RASIP1: variants seen among roughly 807,000 people sequenced by gnomAD.
RASIP1 encodes Ras interacting protein 1.
In RASIP1, 20 loss-of-function variants were observed where a neutral mutation model predicts 85.3. The observed-to-expected ratio is 0.23, with a 90% CI of 0.17 to 0.34. RASIP1 has a LOEUF of 0.34. RASIP1 is among the 10% of genes least tolerant of loss of function. The pLI is 1.00. For missense variants in RASIP1, 1,170 were observed against 1,390.9 expected (o/e 0.84, Z 2.53); for synonymous variants, 617 against 647.1 (o/e 0.95, Z 0.71).
chr19:48,732,283 T>C (rs893399985), intron 4 of RASIP1, among the ~76,000 whole-genome samples: 12 of 149,674 alleles, frequency 8.0e-5, no homozygotes, highest in African/African-American at 2.7e-4. Flanking sequence ...TAAGACGGAG[T>C]CTCTCTCTGT....
intron 4 of RASIP1, among the ~76,000 whole-genome samples, chr19:48,733,777 G>C (rs1336770561): frequency 6.6e-6 from 1 of 150,438 alleles, no homozygotes; most frequent in Non-Finnish European, 1.5e-5. Context: ...ACTGCAGTCC[G>C]GCTGGGTGAC....
chr19:48,730,462 A>C (rs2033435774), intron 4 of RASIP1, among the ~76,000 whole-genome samples: 1 of 152,066 alleles, frequency 6.6e-6, no homozygotes, highest in Non-Finnish European at 1.5e-5. Flanking sequence ...ACACCCAGCC[A>C]GAGACCCATT....
At chr19:48,734,292 C>CAA (rs1221794361) in intron 4 of RASIP1, among the ~76,000 whole-genome samples, 1 of 144,368 alleles carries the variant, frequency 6.9e-6, no homozygotes. Context: ...GAGACTCCGA[C>CAA]AAAAAAAAAA....
chr19:48,721,522 GA>G (rs1231496322), intron 11 of RASIP1, among the ~76,000 whole-genome samples: 1 of 152,178 alleles, frequency 6.6e-6, no homozygotes, highest in Non-Finnish European at 1.5e-5. Context: ...GAGAAAAGAA[GA>G]AAGGTGAGGT....
In RASIP1 at chr19:48,726,840, A is replaced by T; in HGVS notation, c.2072T>A (p.Leu691His). The change falls in exon 8 of 12, where the codon CTC becomes CAC. Residue 691 changes from leucine to histidine, a missense_variant. By Grantham distance (99) the Leu-to-His change is moderately conservative. This residue lies in a region of RASIP1 where 426 missense variants were observed against 576.2 expected (regional missense o/e 0.74). Coordinates refer to ENST00000222145, the MANE Select transcript of RASIP1 (RefSeq NM_017805.3). The part of the protein sequence containing the change: ...DLELCDEAMA[L>H]LDEVIMCTFQ... ...GGTACACATGATGACCTCATCCAGG[A>T]GGGCCATGGCCTCATCACATAATTC... is the stretch of plus-strand genomic sequence containing the variant. The T allele has an allele frequency of 6.2e-7, 1 of 1,614,114 alleles. No individual in the cohort carries two copies. The highest frequency in any genetic ancestry group is 8.5e-7 in the Non-Finnish European group (1 of 1,179,978).
rs762069060 is a variant in RASIP1, at chr19:48,720,811, G to A, written c.2879C>T (p.Ala960Val). 3.1e-6 allele frequency: 5 copies of A among 1,613,946 alleles called. No individual in the cohort carries two copies. In the South Asian group the frequency reaches 4.4e-5, roughly 14 times the overall value. The stretch of plus-strand genomic sequence containing the variant: ...TGGTATTGGTTCTCAAGGAGACGTG[G>A]CCACGGGAGGCCCATGGCGATAATT... ...PANYRHGPPVATSP is the reference protein window; with the variant it reads ...PANYRHGPPVVTSP Residue 960 changes from alanine (A) to valine (V), a missense_variant, in exon 12 of 12, where the codon GCC becomes GTC. Physicochemically the swap from Ala to Val is moderately conservative, Grantham distance 64. Coordinates refer to ENST00000222145, the MANE Select transcript of RASIP1 (RefSeq NM_017805.3).
intron 10 of RASIP1, 149 bp from the exon 11 acceptor site, chr19:48,722,150 C>T (rs938305063): frequency 6.8e-6 from 5 of 738,740 alleles, no homozygotes; most frequent in Admixed American, 4.0e-5. Context: ...TGTTTATCAC[C>T]AAAGTGATGG....
At chr19:48,733,960 A>G (rs1432262059) in intron 4 of RASIP1, among the ~76,000 whole-genome samples, 1 of 152,044 alleles carries the variant, frequency 6.6e-6, no homozygotes, top group African/African-American at 2.4e-5. Context: ...CAAGAAATAG[A>G]TATTTCCAAG....
chr19:48,725,062 CT>C, intron 8 of RASIP1, 102 bp from the exon 9 acceptor site: 1 of 1,421,330 alleles, frequency 7.0e-7, no homozygotes, highest in East Asian at 2.3e-5. Flanking sequence ...CCAAAGTCTT[CT>C]GGGAGTTGTA....
chr19:48,727,511 G>A (rs2033362833), intron 5 of RASIP1, 81 bp from the exon 6 acceptor site: 3 of 1,435,058 alleles, frequency 2.1e-6, no homozygotes, highest in South Asian at 1.2e-5. Flanking sequence ...TTTTATAGAA[G>A]CACAACTCTC....
chr19:48,733,883 A>G (rs918788366), intron 4 of RASIP1, among the ~76,000 whole-genome samples: 7 of 151,998 alleles, frequency 4.6e-5, no homozygotes, highest in Non-Finnish European at 1.0e-4. Context: ...ACGTGATCCC[A>G]GGCAACAAAT....
chr19:48,721,855 T>C lies in RASIP1; in HGVS notation c.2691A>G (p.Thr897=). Reference sequence around the variant, plus strand: ...ATGCTGTATCCCATTGCTCCTCACCTGTGTCCACAGCCTCCCGCTCTGCAG... The same window carrying C: ...ATGCTGTATCCCATTGCTCCTCACCCGTGTCCACAGCCTCCCGCTCTGCAG... ...PPPAEREAVD[T]GDIFESFSSH... The change falls in exon 11 of 12, where the codon ACA becomes ACG. Residue 897 remains threonine, a splice_region_variant and synonymous_variant. Coordinates refer to ENST00000222145, the MANE Select transcript of RASIP1 (RefSeq NM_017805.3). 6.2e-7 allele frequency: 1 copy of C among 1,604,946 alleles called. No homozygotes were observed.
At chr19:48,726,160 C>T (rs553126854) in intron 8 of RASIP1, among the ~76,000 whole-genome samples, 2 of 152,304 alleles carry the variant, frequency 1.3e-5, no homozygotes, top group East Asian at 3.9e-4. Context: ...CTCCTGACCT[C>T]GCGGTCTGCC....
rs777961305 is a variant in RASIP1, at chr19:48,721,816, A to C, written c.2692+38T>G. The C allele has an allele frequency of 9.0e-6, 14 of 1,559,472 alleles. No homozygotes were observed. The Middle Eastern group carries it at 1.4e-3, about 153-fold the overall frequency. On this transcript the variant is annotated intron_variant, in intron 11 of 11. Coordinates refer to ENST00000222145, the MANE Select transcript of RASIP1 (RefSeq NM_017805.3). ...AGACTCCGTCTCAAAAGAAGAAGAA[A>C]GCTGACAGCCCCAATGCTGTATCCC...
chr19:48,734,239 G>A (rs1006672201), intron 4 of RASIP1, among the ~76,000 whole-genome samples: 1 of 151,906 alleles, frequency 6.6e-6, no homozygotes, highest in Admixed American at 6.5e-5. Flanking sequence ...AGCTTGCAGT[G>A]AGCCGAGATC....
At position 48,738,131 on chromosome 19, in the gene RASIP1, G is replaced by C. The variant is rs1480456599; in HGVS notation, c.823+829C>G. ...GGCTAATTTTTGTATTTTTAGAAGA[G>C]ACAGGATTTCACCATGTTGGCCAGA... On this transcript the variant is annotated intron_variant, in intron 3 of 11. Coordinates refer to ENST00000222145, the MANE Select transcript of RASIP1 (RefSeq NM_017805.3). This position sits in a 1 kb window ranked among gnomAD's most constrained non-coding sequence, Gnocchi z 4.0. 6.6e-6 allele frequency among the ~76,000 whole-genome samples: 1 copy of C among 152,074 alleles called. No individual in the cohort carries two copies. The highest frequency in any genetic ancestry group is 1.9e-4 in the East Asian group (1 of 5,178).
In RASIP1 at chr19:48,729,378, G is replaced by A; in HGVS notation, c.1392C>T (p.Leu464=). 6.4e-7 allele frequency: 1 copy of A among 1,557,024 alleles called. No individual in the cohort carries two copies. The highest frequency in any genetic ancestry group is 8.7e-7 in the Non-Finnish European group (1 of 1,150,852). Residue 464 remains leucine, a synonymous_variant, in exon 5 of 12, where the codon CTC becomes CTT. Transcript: ENST00000222145. ...RGAPVTHNGC[L]LLREAELHPG... ...GGTGCAGCTCAGCCTCCCGCAGCAGGAGGCACCCGTTGTGCGTGACTGGGG... is the reference window on the plus strand; with the variant it reads ...GGTGCAGCTCAGCCTCCCGCAGCAGAAGGCACCCGTTGTGCGTGACTGGGG...
intron 3 of RASIP1, among the ~76,000 whole-genome samples, chr19:48,737,077 T>G (rs2033587157): frequency 6.6e-6 from 1 of 151,742 alleles, no homozygotes; most frequent in Non-Finnish European, 1.5e-5. Flanking sequence ...AAAAGGAAAA[T>G]GTGTGGCCTA....
intron 3 of RASIP1, chr19:48,737,644 C>T (rs1308401076): frequency 2.0e-6 from 2 of 985,372 alleles, no homozygotes; most frequent in South Asian, 4.7e-5. Flanking sequence ...CTGCAGGTGT[C>T]GCCCCCTTCT....
Sources: allele counts gnomAD v4.1 joint callset (sites outside exome capture counted in the v4.1 genomes callset), GRCh38; gene constraint gnomAD v4.1.1; regional missense constraint gnomAD v4.1.1; non-coding constraint Gnocchi (gnomAD v3.1); transcripts MANE v1.5; gene names NCBI Gene and HGNC (gene_info 2026-07-23, HGNC 2026-07-21).